SGCZ: variants seen among roughly 807,000 people sequenced by gnomAD.
The protein encoded by SGCZ is zeta-sarcoglycan.
Under a neutral mutation model 41.3 loss-of-function variants are expected in SGCZ, and 40 were observed. That is an observed-to-expected ratio of 0.97 (90% CI 0.75 to 1.26). The LOEUF is 1.26. Ranked by LOEUF, SGCZ falls within the 50% of genes most tolerant of loss-of-function variation. The pLI, the probability that SGCZ is intolerant of heterozygous loss-of-function variation, is 0.00. For missense variants in SGCZ, 552 were observed against 369.8 expected (o/e 1.49, Z -4.04); for synonymous variants, 206 against 137.5 (o/e 1.50, Z -3.49).
chr8:14,497,069 T>C (rs6530781), intron 2 of SGCZ, among the ~76,000 whole-genome samples: 72,805 of 151,772 alleles, frequency 0.48, 17,574 homozygotes, highest in Admixed American at 0.54. Flanking sequence ...AATTCACTTC[T>C]GTAAATAGCC....
At chr8:15,142,552 C>T (rs1048081765) in intron 1 of SGCZ, among the ~76,000 whole-genome samples, 6 of 152,004 alleles carry the variant, frequency 3.9e-5, no homozygotes, top group Non-Finnish European at 5.9e-5. Flanking sequence ...CACTACTAAC[C>T]CTGGGCAAGA....
At chr8:14,921,257 C>G (rs1231710194) in intron 1 of SGCZ, among the ~76,000 whole-genome samples, 3 of 152,126 alleles carry the variant, frequency 2.0e-5, no homozygotes, top group Non-Finnish European at 4.4e-5. Flanking sequence ...GCCTCTCCTT[C>G]AGACCTAAAA....
At chr8:14,883,776 GTTTTT>G (rs1233614779) in intron 1 of SGCZ, among the ~76,000 whole-genome samples, 13 of 86,016 alleles carry the variant, frequency 1.5e-4, no homozygotes, top group African/African-American at 2.6e-4. Flanking sequence ...GCATCCTGTT[GTTTTT>G]TTTTTTTTTT....
intron 1 of SGCZ, among the ~76,000 whole-genome samples, chr8:15,163,032 T>A (rs963348339): frequency 6.6e-6 from 1 of 152,202 alleles, no homozygotes; most frequent in African/African-American, 2.4e-5. Flanking sequence ...TCGTGCTCAG[T>A]TGTATTTCTC....
chr8:14,580,528 A>G (rs1328820963), intron 1 of SGCZ, among the ~76,000 whole-genome samples: 3 of 152,362 alleles, frequency 2.0e-5, no homozygotes, highest in Admixed American at 1.3e-4. Context: ...TAGTATAAAT[A>G]TAAACAAACC....
Position 14,629,232 on chromosome 8 carries a change from G to C in SGCZ, c.40-74306C>G, listed in dbSNP as rs115781641. ...TTTGATTACTTCACTGTAGAATGGAGTTACTAAAAGTTTACTTCGTGTGAT... is the reference window on the plus strand; with the variant it reads ...TTTGATTACTTCACTGTAGAATGGACTTACTAAAAGTTTACTTCGTGTGAT... On this transcript the variant is annotated intron_variant, in intron 1 of 7. Coordinates refer to ENST00000382080, the MANE Select transcript of SGCZ (RefSeq NM_139167.4). Among the ~76,000 whole-genome samples, 783 of 152,168 alleles carry C rather than the reference G, an allele frequency of 5.1e-3. 6 individuals carry two copies. The highest frequency in any genetic ancestry group is 0.016 in the African/African-American group (659 of 41,528).
intron 2 of SGCZ, among the ~76,000 whole-genome samples, chr8:14,429,744 T>C (rs1015301204): frequency 4.6e-5 from 7 of 151,178 alleles, no homozygotes; most frequent in Admixed American, 1.3e-4. Flanking sequence ...AGCTGTGTGA[T>C]CTCGGCCAGC....
intron 2 of SGCZ, among the ~76,000 whole-genome samples, chr8:14,370,625 A>C (rs1432282198): frequency 6.6e-6 from 1 of 151,940 alleles, no homozygotes; most frequent in Non-Finnish European, 1.5e-5. Flanking sequence ...TTTATATTGA[A>C]AGAATTAAAT....
chr8:14,217,628 G>GTT (rs1168241820), intron 4 of SGCZ, among the ~76,000 whole-genome samples: 1,342 of 100,694 alleles, frequency 0.013, 3 homozygotes, highest in Middle Eastern at 0.018. Context: ...TTCAACTAAA[G>GTT]TTTTTTTTTT....
intron 7 of SGCZ, among the ~76,000 whole-genome samples, chr8:14,095,759 T>C (rs1486269385): frequency 6.6e-6 from 1 of 152,218 alleles, no homozygotes; most frequent in Non-Finnish European, 1.5e-5. Flanking sequence ...TCCATTTGTT[T>C]GTGTCCTCTC....
At chr8:14,231,196 T>TGTGTGTGTGTGTGTGTG (rs1554483289) in intron 4 of SGCZ, among the ~76,000 whole-genome samples, 20 of 101,324 alleles carry the variant, frequency 2.0e-4, no homozygotes, top group African/African-American at 4.5e-4. Flanking sequence ...TGTGTGTGTG[T>TGTGTGTGTGTGTGTGTG]AGTGGGGAGA....
At chr8:14,985,923 T>C (rs1445515680) in intron 1 of SGCZ, among the ~76,000 whole-genome samples, 1 of 152,156 alleles carries the variant, frequency 6.6e-6, no homozygotes, top group Non-Finnish European at 1.5e-5. Context: ...TCAGAATTGG[T>C]CTTTGGTGTG....
chr8:14,723,067 G>A (rs1809940862), intron 1 of SGCZ, among the ~76,000 whole-genome samples: 1 of 152,068 alleles, frequency 6.6e-6, no homozygotes, highest in African/African-American at 2.4e-5. Context: ...TTGCTAGGCA[G>A]GTTCAAAAGA....
At chr8:14,094,451 G>A (rs902407741) in intron 7 of SGCZ, among the ~76,000 whole-genome samples, 5 of 152,040 alleles carry the variant, frequency 3.3e-5, no homozygotes, top group East Asian at 1.9e-4. Flanking sequence ...CCATGTCCCC[G>A]CAAAGGACAT....
chr8:15,181,428 G>T (rs1297078191), intron 1 of SGCZ, among the ~76,000 whole-genome samples: 1 of 152,092 alleles, frequency 6.6e-6, no homozygotes, highest in African/African-American at 2.4e-5. Context: ...AATAGCATGT[G>T]TTCCCATGAA....
intron 1 of SGCZ, among the ~76,000 whole-genome samples, chr8:15,208,304 A>G (rs1365367275): frequency 6.6e-6 from 1 of 152,168 alleles, no homozygotes; most frequent in Non-Finnish European, 1.5e-5. Context: ...TAGCAAAAAA[A>G]AATTATCATC....
chr8:14,258,863 C>T (rs925822866), intron 3 of SGCZ, among the ~76,000 whole-genome samples: 2 of 152,136 alleles, frequency 1.3e-5, no homozygotes, highest in Non-Finnish European at 2.9e-5. Context: ...AGAACATGCC[C>T]TTGCCTTCTT....
chr8:14,633,024 A>G (rs1806710223), intron 1 of SGCZ, among the ~76,000 whole-genome samples: 1 of 151,982 alleles, frequency 6.6e-6, no homozygotes, highest in Non-Finnish European at 1.5e-5. Flanking sequence ...TAATCCCAAA[A>G]TAGGTAGAGA....
At chr8:14,447,071 T>C (rs184094642) in intron 2 of SGCZ, among the ~76,000 whole-genome samples, 3 of 152,226 alleles carry the variant, frequency 2.0e-5, no homozygotes, top group Admixed American at 6.5e-5. Context: ...TTCCAGAAAA[T>C]ATATGTTCTT....
Sources: gnomAD v4.1 joint callset for allele counts (sites outside exome capture counted in the v4.1 genomes callset) on GRCh38, gnomAD v4.1.1 for gene constraint, MANE v1.5 for transcripts, NCBI Gene and HGNC (gene_info 2026-07-23, HGNC 2026-07-21) for gene names.